Variants in CCNA1 observed in about 807,000 individuals in gnomAD.
CCNA1 encodes cyclin A1, also known as cyclin-A1.
In CCNA1, 23 loss-of-function variants were observed where a neutral mutation model predicts 54.1. The ratio of observed to expected loss-of-function variants is 0.42; its 90% CI spans 0.31 to 0.60. The LOEUF (loss-of-function observed/expected upper bound fraction) is 0.60, where lower values mean the gene tolerates loss of function less well. Among genes scored for constraint, CCNA1 ranks in the 20% least tolerant of loss-of-function variants. The pLI is 0.14. For synonymous variants in CCNA1, 208 were observed against 213.9 expected (o/e 0.97, Z 0.24); for missense variants, 450 against 556.7 (o/e 0.81, Z 1.93).
intron 2 of CCNA1, among the ~76,000 whole-genome samples, chr13:36,436,987 C>T (rs1393545187): frequency 2.0e-5 from 3 of 152,084 alleles, no homozygotes; most frequent in Non-Finnish European, 2.9e-5. Flanking sequence ...TTCACTGTGG[C>T]GGCACCACAG....
chr13:36,438,259 C>T (rs985781492), intron 4 of CCNA1, 68 bp downstream of exon 4: 3 of 1,430,380 alleles, frequency 2.1e-6, no homozygotes, highest in East Asian at 2.3e-5. Context: ...AAATTATAAA[C>T]TCTTGGTCCA....
Position 36,440,194 on chromosome 13 carries a change from C to T in CCNA1, c.1098+11C>T, listed in dbSNP as rs78645615. 6 of 1,608,970 alleles carry T rather than the reference C, an allele frequency of 3.7e-6. No individual in the cohort carries two copies. Among genetic ancestry groups the T allele is most frequent in the East Asian group, 2.2e-5 (1 of 44,794 alleles). ...GAGAACCTGGCTAAGGTGTGTATGC[C>T]GCGTGATTTCTAGGAACTTCCAGTG... is the stretch of plus-strand genomic sequence containing the variant. On this transcript the variant is annotated intron_variant, in intron 6 of 8. Transcript: ENST00000255465.
upstream of CCNA1, chr13:36,431,879 G>C (rs1390884974): frequency 2.0e-5 from 3 of 152,694 alleles, no homozygotes; most frequent in Non-Finnish European, 4.4e-5. Context: ...CCCGAGCCAG[G>C]GTTCTCAGGA....
In CCNA1 at chr13:36,438,210, T is replaced by C. The variant is rs779094220; in HGVS notation, c.669+19T>C. 3.1e-6 allele frequency: 5 copies of C among 1,604,228 alleles called. No homozygotes were observed. Among genetic ancestry groups the C allele is most frequent in the Non-Finnish European group, 4.3e-6 (5 of 1,175,914 alleles). On this transcript the variant is annotated intron_variant, in intron 4 of 8. Coordinates refer to ENST00000255465, the MANE Select transcript of CCNA1 (RefSeq NM_003914.4). ...AGCTGAAGTAAGTTTTCCCACCTTC[T>C]ACTTCAATCTTCAGGACCCGAGCTC...
chr13:36,442,740 G>T lies in CCNA1; in HGVS notation c.*75G>T. 1 of 1,188,612 alleles carries T rather than the reference G, an allele frequency of 8.4e-7. No homozygotes were observed. 73.6% of individuals were successfully genotyped at this position (1,188,612 alleles called of 1,614,324 possible). On this transcript the variant is annotated 3_prime_UTR_variant, in exon 9 of 9. Coordinates refer to ENST00000255465, the MANE Select transcript of CCNA1 (RefSeq NM_003914.4). ...CAATAATCGTCATAGGCTTCTGCAC[G>T]TTGGATCAACTAATGTTGTTTACAA...
At chr13:36,439,774 T>G (rs1476623802) in intron 5 of CCNA1, among the ~76,000 whole-genome samples, 1 of 152,200 alleles carries the variant, frequency 6.6e-6, no homozygotes, top group East Asian at 1.9e-4. Flanking sequence ...GCAGTAAATA[T>G]AACCTATCCT....
intron 2 of CCNA1, among the ~76,000 whole-genome samples, chr13:36,436,287 C>T (rs979777139): frequency 6.6e-6 from 1 of 152,152 alleles, no homozygotes; most frequent in Admixed American, 6.5e-5. Context: ...CCTTAATTGG[C>T]CTATGGTAAG....
chr13:36,432,119 G>A (rs2055715489), upstream of CCNA1: 1 of 153,382 alleles, frequency 6.5e-6, no homozygotes, highest in African/African-American at 2.4e-5. Flanking sequence ...GGGCCCTCAG[G>A]GGCCTGAACG....
chr13:36,434,202 C>A (rs143756307), intron 2 of CCNA1, among the ~76,000 whole-genome samples: 1 of 152,326 alleles, frequency 6.6e-6, no homozygotes, highest in African/African-American at 2.4e-5. Flanking sequence ...ACTGACTAAG[C>A]AGCTATGCTA....
chr13:36,441,044 C>T, intron 6 of CCNA1, 74 bp from the exon 7 acceptor site: 1 of 726,184 alleles, frequency 1.4e-6, no homozygotes, highest in Admixed American at 2.3e-5. Flanking sequence ...CATTTATTTC[C>T]TTGCCATTTC....
intron 2 of CCNA1, 92 bp from the exon 3 acceptor site, chr13:36,437,537 C>T: frequency 2.4e-6 from 3 of 1,231,336 alleles, no homozygotes; most frequent in Non-Finnish European, 3.4e-6. Context: ...ATGTATCTTA[C>T]CTTCCCAGGC....
rs201828507 is a variant in CCNA1, at chr13:36,439,947, A to T, written c.894-32A>T. The stretch of plus-strand genomic sequence containing the variant: ...CACAGGAGTAGAGCCAAAGGTTCTA[A>T]GTTTTACTTCTGAAAACTCTTCCTT... On this transcript the variant is annotated intron_variant, in intron 5 of 8. Coordinates refer to ENST00000255465, the MANE Select transcript of CCNA1 (RefSeq NM_003914.4). The T allele has an allele frequency of 7.3e-6, 11 of 1,504,620 alleles. No homozygotes were observed. In the African/African-American group the frequency reaches 9.6e-5, roughly 13 times the overall value. 93.2% of individuals were successfully genotyped at this position (1,504,620 alleles called of 1,614,324 possible). A position where few individuals can be genotyped will look rare whatever the true frequency, so the allele number is the denominator to read the frequency against.
At chr13:36,441,306 AGTTT>A (rs1301659667) in intron 7 of CCNA1, 75 bp downstream of exon 7, 2 of 812,332 alleles carry the variant, frequency 2.5e-6, no homozygotes, top group Non-Finnish European at 4.2e-6. Flanking sequence ...AGGGCAAGTT[AGTTT>A]AATAAGGATC....
At chr13:36,432,245 C>G (rs1424954841), upstream of CCNA1, 1 of 207,900 alleles carries the variant, frequency 4.8e-6, no homozygotes, top group Non-Finnish European at 9.4e-6. Context: ...CCCGCTAGGT[C>G]CGGGGGCGCC....
At chr13:36,439,903 G>T in intron 5 of CCNA1, 76 bp from the exon 6 acceptor site, 1 of 891,196 alleles carries the variant, frequency 1.1e-6, no homozygotes, top group South Asian at 1.5e-5. Context: ...GCCATGCGGA[G>T]AGGCGTGGCT....
chr13:36,441,279 T>C (rs775833491), intron 7 of CCNA1, 48 bp downstream of exon 7: 2 of 1,164,112 alleles, frequency 1.7e-6, no homozygotes, highest in Non-Finnish European at 2.6e-6. Flanking sequence ...CTATCTAGAA[T>C]GGGCTTGCCT....
chr13:36,442,549 G>A (rs2055887843), intron 8 of CCNA1, 65 bp from the exon 9 acceptor site: 2 of 1,536,720 alleles, frequency 1.3e-6, no homozygotes, highest in Non-Finnish European at 9.0e-7. Flanking sequence ...AGTTTTCTGT[G>A]ACCTGAGATT....
At chr13:36,442,132 A>C (rs1379100961) in intron 7 of CCNA1, 39 bp from the exon 8 acceptor site, 1 of 1,570,980 alleles carries the variant, frequency 6.4e-7, no homozygotes, top group Admixed American at 1.7e-5. Context: ...ATCTAATATA[A>C]AGTTATGTGA....
rs1210876888 is a variant in CCNA1 at position 36,437,657 on chromosome 13, G to T, written c.326G>T (p.Gly109Val). 2 of 1,614,016 alleles carry T rather than the reference G, an allele frequency of 1.2e-6. No homozygotes were observed. The highest frequency in any genetic ancestry group is 1.1e-5 in the South Asian group (1 of 91,078). The change falls in exon 3 of 9, where the codon GGA becomes GTA. Residue 109 changes from glycine (G) to valine (V), a missense_variant. This residue lies in a region of CCNA1 where 19 missense variants were observed against 40.5 expected (regional missense o/e 0.47). Coordinates refer to ENST00000255465, the MANE Select transcript of CCNA1 (RefSeq NM_003914.4). The stretch of plus-strand genomic sequence containing the variant: ...ATCACAAGAATCAGGTGTTATTCTG[G>T]ATCAGAAAATGCCTTCCCTCCAGCT...
Sources: allele counts gnomAD v4.1 joint callset (sites outside exome capture counted in the v4.1 genomes callset), GRCh38; gene constraint gnomAD v4.1.1; regional missense constraint gnomAD v4.1.1; transcripts MANE v1.5; gene names NCBI Gene and HGNC (gene_info 2026-07-23, HGNC 2026-07-21).